The following DLG2 variants were observed in gnomAD, a reference collection of about 807,000 sequenced individuals.
The protein encoded by DLG2 is disks large homolog 2.
In DLG2, 45 loss-of-function variants were observed where a neutral mutation model predicts 132.5. The observed-to-expected ratio is 0.34, with a 90% confidence interval of 0.27 to 0.44. The LOEUF (loss-of-function observed/expected upper bound fraction) is 0.44. Among genes scored for constraint, DLG2 ranks in the 20% least tolerant of loss-of-function variants. The pLI, the probability that DLG2 is intolerant of heterozygous loss-of-function variation, is 1.00. For synonymous variants in DLG2, 424 were observed against 419.6 expected (o/e 1.01, Z -0.13); for missense variants, 1,045 against 1,196.9 (o/e 0.87, Z 1.87).
chr11:84,927,869 G>A (rs1231748610), intron 6 of DLG2, among the ~76,000 whole-genome samples: 3 of 151,936 alleles, frequency 2.0e-5, no homozygotes, highest in African/African-American at 7.2e-5. Context: ...TTAGGAATTT[G>A]TTAGAAATAG....
chr11:84,908,950 T>A (rs1454495738), intron 6 of DLG2, among the ~76,000 whole-genome samples: 1 of 151,886 alleles, frequency 6.6e-6, no homozygotes, highest in Non-Finnish European at 1.5e-5. Context: ...AACTAGCTCA[T>A]GATCACACAG....
intron 3 of DLG2, among the ~76,000 whole-genome samples, chr11:85,391,555 A>G (rs374492279): frequency 6.6e-6 from 1 of 152,038 alleles, no homozygotes; most frequent in Non-Finnish European, 1.5e-5. Flanking sequence ...ACTAGCTAAC[A>G]GAATCCAACA....
Position 85,357,434 on chromosome 11 carries a change from C to T in DLG2, c.41-72069G>A, listed in dbSNP as rs562711229. Among the ~76,000 whole-genome samples the T allele has an allele frequency of 2.7e-5, 4 of 150,140 alleles. No individual in the cohort carries two copies. In the South Asian group the frequency reaches 8.6e-4, roughly 32 times the overall value. On this transcript the variant is annotated intron_variant, in intron 3 of 27. Transcript: ENST00000376104. The stretch of plus-strand genomic sequence containing the variant: ...GTCTCAATCTCCTGACCTCGTGATC[C>T]ACCCACCTCAGCCTCCCAAAGTGCT...
At chr11:85,194,272 G>T (rs1317840688) in intron 4 of DLG2, among the ~76,000 whole-genome samples, 4 of 152,098 alleles carry the variant, frequency 2.6e-5, no homozygotes, top group Non-Finnish European at 5.9e-5. Flanking sequence ...CTTTTTTCTC[G>T]TAAGAAGTCC....
chr11:84,508,900 A>C (rs1247757776), intron 7 of DLG2, among the ~76,000 whole-genome samples: 1 of 152,172 alleles, frequency 6.6e-6, no homozygotes, highest in African/African-American at 2.4e-5. Flanking sequence ...GTTATTGTTG[A>C]CTGAACACAG....
At chr11:84,770,625 A>G (rs2069172056) in intron 6 of DLG2, among the ~76,000 whole-genome samples, 1 of 151,478 alleles carries the variant, frequency 6.6e-6, no homozygotes, top group Admixed American at 6.6e-5. Context: ...ACGTTGCTGT[A>G]AAGGATATGA....
chr11:85,099,430 CTT>C (rs1312529895), intron 6 of DLG2, among the ~76,000 whole-genome samples: 8 of 152,154 alleles, frequency 5.3e-5, no homozygotes, highest in African/African-American at 9.7e-5. Context: ...AACAACATCT[CTT>C]TGTTATTTCC....
intron 17 of DLG2, among the ~76,000 whole-genome samples, chr11:83,797,668 G>C (rs538313757): frequency 2.0e-5 from 3 of 151,910 alleles, no homozygotes; most frequent in African/African-American, 7.3e-5. Flanking sequence ...ACAGGCACTC[G>C]CCACCATGCC....
intron 4 of DLG2, among the ~76,000 whole-genome samples, chr11:85,224,634 T>C (rs1008932649): frequency 6.6e-6 from 1 of 152,212 alleles, no homozygotes; most frequent in Non-Finnish European, 1.5e-5. Flanking sequence ...TCATTATCTA[T>C]GGTTGATAGG....
intron 6 of DLG2, among the ~76,000 whole-genome samples, chr11:84,677,138 T>C (rs2099714438): frequency 6.6e-6 from 1 of 152,072 alleles, no homozygotes; most frequent in Non-Finnish European, 1.5e-5. Context: ...GACTAAATTT[T>C]CGGGGATGGA....
chr11:83,736,362 A>G (rs1430130845), intron 18 of DLG2, among the ~76,000 whole-genome samples: 1 of 152,156 alleles, frequency 6.6e-6, no homozygotes, highest in East Asian at 1.9e-4. Context: ...CTAGAACTCA[A>G]CATACATACT....
intron 7 of DLG2, among the ~76,000 whole-genome samples, chr11:84,503,263 A>G (rs2099227345): frequency 6.6e-6 from 1 of 152,166 alleles, no homozygotes; most frequent in Admixed American, 6.5e-5. Context: ...ACCCAATACT[A>G]TTTCATAGGG....
chr11:84,805,241 C>A (rs1000986227), intron 6 of DLG2, among the ~76,000 whole-genome samples: 1 of 152,096 alleles, frequency 6.6e-6, no homozygotes, highest in South Asian at 2.1e-4. Flanking sequence ...TGAGTGTCAA[C>A]AGAGACAGCA....
At chr11:84,687,940 C>T (rs991795507) in intron 6 of DLG2, among the ~76,000 whole-genome samples, 2 of 152,180 alleles carry the variant, frequency 1.3e-5, no homozygotes, top group South Asian at 2.1e-4. Context: ...GTGGGTTCCA[C>T]AGTACTGCAT....
intron 6 of DLG2, among the ~76,000 whole-genome samples, chr11:84,844,476 C>T (rs1469189764): frequency 6.6e-6 from 1 of 151,890 alleles, no homozygotes; most frequent in Non-Finnish European, 1.5e-5. Flanking sequence ...TCTTCAAGTA[C>T]CTGTATTCTC....
At chr11:84,498,567 AT>A (rs1443115911) in intron 7 of DLG2, among the ~76,000 whole-genome samples, 11 of 152,196 alleles carry the variant, frequency 7.2e-5, no homozygotes, top group Admixed American at 2.6e-4. Context: ...AAACCAAAAA[AT>A]AAAAACAAAA....
intron 19 of DLG2, among the ~76,000 whole-genome samples, chr11:83,588,040 G>A (rs112066330): frequency 1.3e-5 from 2 of 152,296 alleles, no homozygotes; most frequent in South Asian, 2.1e-4. Flanking sequence ...ACTGCAAGGC[G>A]GCAGCGAGGC....
At chr11:83,956,489 C>G (rs1024211026) in intron 14 of DLG2, among the ~76,000 whole-genome samples, 12 of 152,222 alleles carry the variant, frequency 7.9e-5, no homozygotes, top group African/African-American at 2.9e-4. Flanking sequence ...GCCATGGGCC[C>G]CACACGGAGC....
chr11:84,243,306 C>A (rs1323165575), intron 8 of DLG2, among the ~76,000 whole-genome samples: 2 of 151,922 alleles, frequency 1.3e-5, no homozygotes, highest in African/African-American at 4.8e-5. Flanking sequence ...ATTTAAATAA[C>A]CATATGTGAC....
Sources: allele counts gnomAD v4.1 joint callset (sites outside exome capture counted in the v4.1 genomes callset), GRCh38; gene constraint gnomAD v4.1.1; transcripts MANE v1.5; gene names NCBI Gene and HGNC (gene_info 2026-07-23, HGNC 2026-07-21).